Variants in EXOC4 observed in about 807,000 individuals in gnomAD.
The protein encoded by EXOC4 is exocyst complex component 4.
EXOC4 carries 71 observed loss-of-function variants against 107.2 expected under a neutral mutation model. The ratio of observed to expected loss-of-function variants is 0.66; its 90% CI spans 0.55 to 0.81. The LOEUF (loss-of-function observed/expected upper bound fraction) is 0.81, where lower values mean the gene tolerates loss of function less well. Among genes scored for constraint, EXOC4 ranks in the 30% least tolerant of loss-of-function variants. EXOC4 has a pLI of 0.00. For missense variants in EXOC4, 1,108 were observed against 1,189.6 expected (o/e 0.93, Z 1.01); for synonymous variants, 456 against 441.2 (o/e 1.03, Z -0.42).
At chr7:133,773,900 A>C (rs1201876823) in intron 10 of EXOC4, among the ~76,000 whole-genome samples, 1 of 152,168 alleles carries the variant, frequency 6.6e-6, no homozygotes, top group African/African-American at 2.4e-5. Flanking sequence ...TTATGGTGGT[A>C]GTGGTTTTAA....
intron 7 of EXOC4, among the ~76,000 whole-genome samples, chr7:133,450,956 G>C (rs1316625490): frequency 6.6e-6 from 1 of 152,190 alleles, no homozygotes; most frequent in Non-Finnish European, 1.5e-5. Flanking sequence ...GGTGAGTTCG[G>C]GAGGGCCAGC....
In EXOC4 at chr7:133,575,802, A is replaced by T. The variant is rs147730975; in HGVS notation, c.1418-54243A>T. On this transcript the variant is annotated intron_variant, in intron 9 of 17. Coordinates refer to ENST00000253861, the MANE Select transcript of EXOC4 (RefSeq NM_021807.4). ...TCTGATTTTCCCCTTTCTTTTCTTC[A>T]TCTCCAGGTTCATCTTAAATGAACC... 8.5e-5 allele frequency among the ~76,000 whole-genome samples: 13 copies of T among 152,158 alleles called. No individual in the cohort carries two copies. The East Asian group carries it at 2.5e-3, about 29-fold the overall frequency.
intron 10 of EXOC4, among the ~76,000 whole-genome samples, chr7:133,646,740 C>T (rs951632814): frequency 1.3e-5 from 2 of 152,154 alleles, no homozygotes; most frequent in Non-Finnish European, 2.9e-5. Context: ...GAGAAGTTTA[C>T]ATTTGGTTGT....
chr7:133,340,521 T>C (rs1255156686), intron 5 of EXOC4, among the ~76,000 whole-genome samples: 1 of 151,702 alleles, frequency 6.6e-6, no homozygotes, highest in Admixed American at 6.6e-5. Context: ...GTTTTGGTAA[T>C]AGGGTGATAC....
intron 5 of EXOC4, among the ~76,000 whole-genome samples, chr7:133,344,932 A>G (rs770290606): frequency 2.0e-5 from 3 of 151,938 alleles, no homozygotes; most frequent in Non-Finnish European, 4.4e-5. Context: ...TCTTTTTCTT[A>G]TTTTTATTTA....
chr7:133,970,301 T>G (rs1024824262), intron 14 of EXOC4, among the ~76,000 whole-genome samples: 4 of 152,058 alleles, frequency 2.6e-5, no homozygotes, highest in Admixed American at 2.0e-4. Context: ...TGGGATCCGC[T>G]GAGCTAGACC....
At chr7:133,671,449 C>G (rs923859598) in intron 10 of EXOC4, among the ~76,000 whole-genome samples, 1 of 152,066 alleles carries the variant, frequency 6.6e-6, no homozygotes, top group African/African-American at 2.4e-5. Context: ...TGCCTGTAAT[C>G]CCAGTTACTC....
At chr7:133,615,306 C>T (rs1175678172) in intron 9 of EXOC4, among the ~76,000 whole-genome samples, 4 of 151,660 alleles carry the variant, frequency 2.6e-5, no homozygotes, top group African/African-American at 4.8e-5. Flanking sequence ...ATGAAGAAAA[C>T]GAGGGTGATT....
At chr7:133,573,398 G>T (rs947708581) in intron 9 of EXOC4, among the ~76,000 whole-genome samples, 2 of 152,118 alleles carry the variant, frequency 1.3e-5, no homozygotes, top group African/African-American at 4.8e-5. Context: ...CAGTTTCAGC[G>T]CCAGATAGTA....
intron 17 of EXOC4, among the ~76,000 whole-genome samples, chr7:134,041,426 G>A (rs1401777347): frequency 1.3e-5 from 2 of 152,130 alleles, no homozygotes; most frequent in Non-Finnish European, 2.9e-5. Context: ...TATTTAAACA[G>A]TCCAGATTAG....
At chr7:133,646,160 T>A (rs976882583) in intron 10 of EXOC4, among the ~76,000 whole-genome samples, 2 of 152,208 alleles carry the variant, frequency 1.3e-5, no homozygotes, top group African/African-American at 4.8e-5. Flanking sequence ...GCAAACATAC[T>A]TCCACCTTAC....
At chr7:133,564,323 C>A (rs1433452776) in intron 9 of EXOC4, among the ~76,000 whole-genome samples, 1 of 152,064 alleles carries the variant, frequency 6.6e-6, no homozygotes, top group Non-Finnish European at 1.5e-5. Flanking sequence ...CACTTTCAAA[C>A]AACCAAATCT....
intron 10 of EXOC4, among the ~76,000 whole-genome samples, chr7:133,660,053 C>T (rs559820273): frequency 6.6e-6 from 1 of 152,202 alleles, no homozygotes; most frequent in Non-Finnish European, 1.5e-5. Context: ...ATGGAGTTAC[C>T]AATACCCTTT....
chr7:133,529,127 ACT>A (rs1049812679), intron 9 of EXOC4, among the ~76,000 whole-genome samples: 1 of 150,150 alleles, frequency 6.7e-6, no homozygotes, highest in Non-Finnish European at 1.5e-5. Flanking sequence ...TTATTGAAAA[ACT>A]CTATTGGCCC....
At chr7:134,085,909 C>A in the EXOC4 span, among the ~76,000 whole-genome samples, 1 of 152,156 alleles carries the variant, frequency 6.6e-6, no homozygotes, top group Non-Finnish European at 1.5e-5. Flanking sequence ...ATCTGGAAGG[C>A]CATACACATG....
At chr7:133,509,332 G>A (rs1799723677) in intron 9 of EXOC4, among the ~76,000 whole-genome samples, 1 of 152,038 alleles carries the variant, frequency 6.6e-6, no homozygotes, top group African/African-American at 2.4e-5. Context: ...GGAGGCTGAG[G>A]CAGGAGAATG....
intron 10 of EXOC4, among the ~76,000 whole-genome samples, chr7:133,635,079 T>C (rs1156532291): frequency 2.0e-5 from 3 of 152,212 alleles, no homozygotes; most frequent in Non-Finnish European, 4.4e-5. Context: ...TTGAGTGACA[T>C]TATTTCTCTT....
chr7:133,617,591 A>G (rs17167170), intron 9 of EXOC4, among the ~76,000 whole-genome samples: 30,747 of 152,070 alleles, frequency 0.2, 3,390 homozygotes, highest in African/African-American at 0.25. Context: ...GAGAACAGGA[A>G]CAAAGCCCAG....
At chr7:134,082,709 G>C in the EXOC4 span, among the ~76,000 whole-genome samples, 2 of 152,164 alleles carry the variant, frequency 1.3e-5, no homozygotes, top group African/African-American at 4.8e-5. Context: ...AAAATGCTGG[G>C]ATTACAGGCA....
Sources: allele counts gnomAD v4.1 joint callset (sites outside exome capture counted in the v4.1 genomes callset), GRCh38; gene constraint gnomAD v4.1.1; transcripts MANE v1.5; gene names NCBI Gene and HGNC (gene_info 2026-07-23, HGNC 2026-07-21).